Variants in TRPS1 observed in about 807,000 individuals in gnomAD.
The protein encoded by TRPS1 is transcriptional repressor GATA binding 1.
Under a neutral mutation model 101.2 loss-of-function variants are expected in TRPS1, and 6 were observed. The observed-to-expected ratio is 0.06, with a 90% confidence interval of 0.03 to 0.12. TRPS1 has a LOEUF of 0.12. Among genes scored for constraint, TRPS1 ranks in the 10% least tolerant of loss-of-function variants. The pLI, the probability that TRPS1 is intolerant of heterozygous loss-of-function variation, is 1.00. For missense variants in TRPS1, 1,363 were observed against 1,567.0 expected (o/e 0.87, Z 2.20); for synonymous variants, 578 against 589.8 (o/e 0.98, Z 0.29).
At chr8:115,458,981 C>A (rs1814096802) in intron 5 of TRPS1, among the ~76,000 whole-genome samples, 1 of 152,102 alleles carries the variant, frequency 6.6e-6, no homozygotes, top group African/African-American at 2.4e-5. Context: ...TCCAAAATAA[C>A]TATCCACAAT....
chr8:115,530,228 ACT>A (rs1290295410), intron 5 of TRPS1, among the ~76,000 whole-genome samples: 1 of 152,006 alleles, frequency 6.6e-6, no homozygotes, highest in Non-Finnish European at 1.5e-5. Context: ...ATTTTACCTG[ACT>A]CTGTTTTCAG....
chr8:115,645,354 C>T (rs557651276), intron 1 of TRPS1, among the ~76,000 whole-genome samples: 1 of 152,036 alleles, frequency 6.6e-6, no homozygotes, highest in South Asian at 2.1e-4. Flanking sequence ...ATTCTCCTGC[C>T]GAAAAACTGG....
At chr8:115,591,616 C>A (rs758345275) in intron 4 of TRPS1, among the ~76,000 whole-genome samples, 2 of 152,106 alleles carry the variant, frequency 1.3e-5, no homozygotes, top group African/African-American at 4.8e-5. Context: ...CTGGAGAGGA[C>A]CTCGTGAACC....
At position 115,604,418 on chromosome 8, in the gene TRPS1, C is replaced by G; in HGVS notation, c.1551G>C (p.Gly517=). Residue 517 remains glycine (G), a synonymous_variant, in exon 4 of 7, where the codon GGG becomes GGC. Coordinates refer to ENST00000395715, the MANE Select transcript of TRPS1 (RefSeq NM_014112.5). This position sits in a 1 kb window ranked among gnomAD's most constrained non-coding sequence, Gnocchi z 4.1. ...TMTKTDKSSS[G]AKKKDFSSKG... ...TGCTGGAGAAGTCCTTCTTTTTAGC[C>G]CCACTCGAGCTCTTGTCTGTCTTGG... 1 of 1,613,990 alleles carries G rather than the reference C, an allele frequency of 6.2e-7. No individual in the cohort carries two copies. Among genetic ancestry groups the G allele is most frequent in the South Asian group, 1.1e-5 (1 of 91,074 alleles).
intron 3 of TRPS1, among the ~76,000 whole-genome samples, chr8:115,618,108 G>A (rs1818310986): frequency 1.3e-5 from 2 of 152,156 alleles, no homozygotes; most frequent in Non-Finnish European, 2.9e-5. Flanking sequence ...GCTATCAAGT[G>A]GATAAAAATG....
intron 1 of TRPS1, among the ~76,000 whole-genome samples, chr8:115,639,934 T>G (rs1253712141): frequency 6.6e-6 from 1 of 152,194 alleles, no homozygotes; most frequent in Non-Finnish European, 1.5e-5. Flanking sequence ...TAATGTCTCT[T>G]GTGACAAACT....
In TRPS1 at chr8:115,666,139, T is replaced by C. The variant is rs60873540; in HGVS notation, c.-122+2406A>G. 1.8e-4 allele frequency among the ~76,000 whole-genome samples: 28 copies of C among 152,330 alleles called. No homozygotes were observed. In the East Asian group the frequency reaches 5.0e-3, roughly 27 times the overall value. On this transcript the variant is annotated intron_variant, in intron 1 of 6. Coordinates refer to ENST00000395715, the MANE Select transcript of TRPS1 (RefSeq NM_014112.5). ...TCAAACTTTAGCATGTTACTAGCCC[T>C]GTATATTGAACTGAATCTAGAGATG... is the stretch of plus-strand genomic sequence containing the variant.
intron 1 of TRPS1, among the ~76,000 whole-genome samples, chr8:115,639,119 A>C (rs1818837041): frequency 2.6e-5 from 4 of 152,176 alleles, no homozygotes; most frequent in Non-Finnish European, 5.9e-5. Flanking sequence ...GCTAGAGTGC[A>C]GTGGCATGAT....
Position 115,414,790 on chromosome 8 carries a change from CCA to C in TRPS1, c.3116_3117del (p.Leu1039ArgfsTer26). On this transcript the variant is annotated frameshift_variant, in exon 7 of 7. Transcript: ENST00000395715. LOFTEE classifies it high-confidence loss of function. The surrounding 1 kb of genome is among the most constrained non-coding windows in gnomAD (Gnocchi z 4.8). The stretch of plus-strand genomic sequence containing the variant: ...AAAGGTTGCATCCTTTTGTGAATAT[CCA>C]GAGTTTGGCTGACCAGGACTGGCTG... ...AQQPVLVSQT[L>X]DIHKRMQPLH... 1 of 1,613,994 alleles carries C rather than the reference CCA, an allele frequency of 6.2e-7. No homozygotes were observed. The highest frequency in any genetic ancestry group is 8.5e-7 in the Non-Finnish European group (1 of 1,179,950).
At chr8:115,543,519 G>A (rs1816501540) in intron 5 of TRPS1, among the ~76,000 whole-genome samples, 1 of 151,968 alleles carries the variant, frequency 6.6e-6, no homozygotes, top group Admixed American at 6.6e-5. Context: ...TCTAAGATAT[G>A]CAAGTGAGCA....
chr8:115,607,278 C>A (rs77398557), intron 3 of TRPS1, among the ~76,000 whole-genome samples: 2,482 of 152,116 alleles, frequency 0.016, 57 homozygotes, highest in African/African-American at 0.057. Context: ...TCAGAAAACC[C>A]AGGCTACGAA....
At chr8:115,441,183 A>G (rs763134505) in intron 5 of TRPS1, among the ~76,000 whole-genome samples, 3 of 152,218 alleles carry the variant, frequency 2.0e-5, no homozygotes, top group Non-Finnish European at 4.4e-5. Context: ...AAATACACCG[A>G]AAGGTTCAGA....
chr8:115,662,691 T>TAAA (rs751548438), intron 1 of TRPS1, among the ~76,000 whole-genome samples: 6,056 of 107,508 alleles, frequency 0.056, 436 homozygotes, highest in African/African-American at 0.16. Context: ...TGACTATTTA[T>TAAA]AAAAAAAAAA....
chr8:115,660,447 T>C (rs1216586781), intron 1 of TRPS1, among the ~76,000 whole-genome samples: 1 of 151,976 alleles, frequency 6.6e-6, no homozygotes, highest in Non-Finnish European at 1.5e-5. Flanking sequence ...ATACTCAATT[T>C]AACAACTAGT....
intron 5 of TRPS1, among the ~76,000 whole-genome samples, chr8:115,491,202 AC>A (rs1815013245): frequency 6.6e-6 from 1 of 152,180 alleles, no homozygotes; most frequent in African/African-American, 2.4e-5. Flanking sequence ...ATTCACTATT[AC>A]GTTTGAGGAG....
At chr8:115,600,421 T>C (rs946372004) in intron 4 of TRPS1, among the ~76,000 whole-genome samples, 13 of 152,200 alleles carry the variant, frequency 8.5e-5, no homozygotes, top group Admixed American at 2.0e-4. Context: ...GACAAATTTG[T>C]GTTTAATTAT....
At chr8:115,641,003 T>A (rs1041315442) in intron 1 of TRPS1, among the ~76,000 whole-genome samples, 2 of 152,184 alleles carry the variant, frequency 1.3e-5, no homozygotes, top group African/African-American at 4.8e-5. Flanking sequence ...TGGGGAGGTG[T>A]TGCAGGGAAC....
Position 115,414,324 on chromosome 8 carries a change from T to C in TRPS1, c.3584A>G (p.Lys1195Arg), listed in dbSNP as rs552263037. The C allele has an allele frequency of 3.7e-6, 6 of 1,613,990 alleles. No homozygotes were observed. The highest frequency in any genetic ancestry group is 1.3e-5 in the African/African-American group (1 of 75,040). The change falls in exon 7 of 7, where the codon AAG (lysine) becomes AGG (arginine). Residue 1195 changes from lysine (K) to arginine (R), a missense_variant. Around this residue, in one of 5 missense-constraint regions of TRPS1, gnomAD observed 307 missense variants for 392.4 expected, o/e 0.78. Transcript: ENST00000395715. This position sits in a 1 kb window ranked among gnomAD's most constrained non-coding sequence, Gnocchi z 4.8. ...RPGPTANGAS[K>R]EKTKAPPNVK... ...ATTTGGTGGTGCCTTCGTTTTCTCC[T>C]TGGAGGCACCGTTTGCAGTTGGCCC...
chr8:115,591,739 T>A (rs1206530288), intron 4 of TRPS1, among the ~76,000 whole-genome samples: 1 of 152,154 alleles, frequency 6.6e-6, no homozygotes, highest in Non-Finnish European at 1.5e-5. Context: ...AGGGGTAAGT[T>A]TTCCGTGAGA....
Sources: gnomAD v4.1 joint callset for allele counts (sites outside exome capture counted in the v4.1 genomes callset) on GRCh38, gnomAD v4.1.1 for gene constraint, gnomAD v4.1.1 regional missense constraint, Gnocchi (gnomAD v3.1) non-coding constraint, MANE v1.5 for transcripts, NCBI Gene and HGNC (gene_info 2026-07-23, HGNC 2026-07-21) for gene names.